KIF17: variants seen among roughly 807,000 people sequenced by gnomAD.
The protein encoded by KIF17 is kinesin family member 17, also known as kinesin-like protein KIF17.
In KIF17, 80 loss-of-function variants were observed where a neutral mutation model predicts 96.8. The observed-to-expected ratio is 0.83, with a 90% CI of 0.69 to 1.00. KIF17 has a LOEUF of 1.00. Among genes scored for constraint, KIF17 ranks in the 50% least tolerant of loss-of-function variants. The pLI is 0.00. For missense variants in KIF17, 1,280 were observed against 1,372.9 expected (o/e 0.93, Z 1.07); for synonymous variants, 567 against 587.5 (o/e 0.97, Z 0.51).
In KIF17 at chr1:20,685,150, G is replaced by T; in HGVS notation, c.2020-130C>A. 1 of 758,552 alleles carries T rather than the reference G, an allele frequency of 1.3e-6. No homozygotes were observed. Among genetic ancestry groups the T allele is most frequent in the Non-Finnish European group, 2.4e-6 (1 of 424,138 alleles). 47.0% of individuals were successfully genotyped at this position (758,552 alleles called of 1,614,324 possible). ...GCCCCGACAGATCACCTCCAGCTCA[G>T]GGACACCAGTGACACAAAAACACGC... On this transcript the variant is annotated intron_variant, in intron 9 of 14. Coordinates refer to ENST00000400463, the MANE Select transcript of KIF17 (RefSeq NM_001122819.3). This position sits in a 1 kb window ranked among gnomAD's most constrained non-coding sequence, Gnocchi z 4.1.
chr1:20,689,517 A>G (rs4655236), intron 7 of KIF17, among the ~76,000 whole-genome samples: 86,078 of 151,852 alleles, frequency 0.57, 24,684 homozygotes, highest in East Asian at 0.79. Flanking sequence ...CGGGTGTGGT[A>G]GTGTGCACCT....
At position 20,685,323 on chromosome 1, in the gene KIF17, T is replaced by A; in HGVS notation, c.2020-303A>T. On this transcript the variant is annotated intron_variant, in intron 9 of 14. Coordinates refer to ENST00000400463, the MANE Select transcript of KIF17 (RefSeq NM_001122819.3). This position sits in a 1 kb window ranked among gnomAD's most constrained non-coding sequence, Gnocchi z 4.1. ...GAAACCGATCACATCCCGTTCCCGA[T>A]GAGCCCCATGTGACTTCCCGTCACG... The A allele has an allele frequency of 1.8e-6, 1 of 555,522 alleles. No homozygotes were observed. The highest frequency in any genetic ancestry group is 3.4e-6 in the Non-Finnish European group (1 of 292,378). The allele number at this position is 555,522 out of a possible 1,614,324, so 34.4% of individuals were successfully genotyped here.
At chr1:20,715,723 A>G in intron 1 of KIF17, 84 bp from the exon 2 acceptor site, 1 of 1,541,358 alleles carries the variant, frequency 6.5e-7, no homozygotes, top group African/African-American at 1.4e-5. Flanking sequence ...CCACAGACTC[A>G]GGGCCCTTCC....
At chr1:20,666,354 G>C in intron 13 of KIF17, 23 bp from the exon 14 acceptor site, 1 of 1,564,680 alleles carries the variant, frequency 6.4e-7, no homozygotes. Context: ...AGATGCCCGT[G>C]GTCACGTCCC....
Position 20,685,260 on chromosome 1 carries a change from A to G in KIF17, c.2020-240T>C. 2 of 656,628 alleles carry G rather than the reference A, an allele frequency of 3.0e-6. No homozygotes were observed. The highest frequency in any genetic ancestry group is 3.0e-5 in the South Asian group (2 of 66,318). 40.7% of individuals were successfully genotyped at this position (656,628 alleles called of 1,614,324 possible). Reference sequence around the variant, plus strand: ...CCAGCTTCCTCTCTCACCTCCCACAATCCAGTCTCCACAGGCAGCCAGGGC... The same window carrying G: ...CCAGCTTCCTCTCTCACCTCCCACAGTCCAGTCTCCACAGGCAGCCAGGGC... On this transcript the variant is annotated intron_variant, in intron 9 of 14. Transcript: ENST00000400463. This position sits in a 1 kb window ranked among gnomAD's most constrained non-coding sequence, Gnocchi z 4.1.
At position 20,687,718 on chromosome 1, in the gene KIF17, C is replaced by T. The variant is rs2053964838; in HGVS notation, c.1608G>A (p.Leu536=). ...CGAGCGAGGATGACTCACTGGAGCCCAGAGAAATCTCAGATTTGGAGGGTT... is the reference window on the plus strand; with the variant it reads ...CGAGCGAGGATGACTCACTGGAGCCTAGAGAAATCTCAGATTTGGAGGGTT... The part of the protein sequence containing the change: ...KVEPSKSEIS[L]GSSESSSLEE... The change falls in exon 8 of 15, where the codon CTG becomes CTA. Residue 536 remains leucine, a synonymous_variant. Coordinates refer to ENST00000400463, the MANE Select transcript of KIF17 (RefSeq NM_001122819.3). The surrounding 1 kb of genome is among the most constrained non-coding windows in gnomAD (Gnocchi z 4.4). The T allele has an allele frequency of 6.2e-7, 1 of 1,614,188 alleles. No homozygotes were observed. The highest frequency in any genetic ancestry group is 1.7e-5 in the Admixed American group (1 of 60,012).
At chr1:20,661,690 C>T (rs2053439054), downstream of KIF17, 2 of 432,140 alleles carry the variant, frequency 4.6e-6, no homozygotes, top group African/African-American at 2.0e-5. Flanking sequence ...GCCCCCTAGT[C>T]TGGAGCCCAC....
Position 20,704,320 on chromosome 1 carries a change from G to A in KIF17, c.1123+127C>T, listed in dbSNP as rs1164129266. The A allele has an allele frequency of 2.5e-6, 2 of 796,260 alleles. No homozygotes were observed. The highest frequency in any genetic ancestry group is 2.1e-6 in the Non-Finnish European group (1 of 471,872). The allele number at this position is 796,260 out of a possible 1,614,324, so 49.3% of individuals were successfully genotyped here. A position where few individuals can be genotyped will look rare whatever the true frequency, so the allele number is the denominator to read the frequency against. ...CAACCAGGGCCCTGCGCTCACATGG[G>A]GCTGAGGGGTGGGAGGATGCTGCTC... On this transcript the variant is annotated intron_variant, in intron 5 of 14. Transcript: ENST00000400463. This position sits in a 1 kb window ranked among gnomAD's most constrained non-coding sequence, Gnocchi z 6.8.
At position 20,699,719 on chromosome 1, in the gene KIF17, G is replaced by A. The variant is rs186969963; in HGVS notation, c.1124-1231C>T. On this transcript the variant is annotated intron_variant, in intron 5 of 14. Transcript: ENST00000400463. This position sits in a 1 kb window ranked among gnomAD's most constrained non-coding sequence, Gnocchi z 4.3. Reference sequence around the variant, plus strand: ...GCTAGACAGGGGGAGCGGTGAGTGCGAGGGCCCTGAGGCGGTTGTGAGACT... The same window carrying A: ...GCTAGACAGGGGGAGCGGTGAGTGCAAGGGCCCTGAGGCGGTTGTGAGACT... Among the ~76,000 whole-genome samples the A allele has an allele frequency of 7.9e-5, 12 of 152,204 alleles. No homozygotes were observed. In the South Asian group the frequency reaches 1.7e-3, roughly 21 times the overall value.
In KIF17 at chr1:20,664,194, T is replaced by G; in HGVS notation, c.*390A>C. 4.8e-6 allele frequency: 2 copies of G among 416,624 alleles called. No homozygotes were observed. The highest frequency in any genetic ancestry group is 4.0e-6 in the Non-Finnish European group (1 of 249,060). 25.8% of individuals were successfully genotyped at this position (416,624 alleles called of 1,614,324 possible). ...AGAGGCACAGTTCCTTCCCAGCTGA[T>G]ATTGAGCTTCCTCCACGTGGCAGCT... On this transcript the variant is annotated 3_prime_UTR_variant, in exon 15 of 15. Transcript: ENST00000400463.
At chr1:20,670,560 T>TG in intron 12 of KIF17, 72 bp from the exon 13 acceptor site, 1 of 1,445,442 alleles carries the variant, frequency 6.9e-7, no homozygotes, top group East Asian at 2.3e-5. Context: ...CAGGTGGAGG[T>TG]GGGGGTCAGG....
intron 5 of KIF17, among the ~76,000 whole-genome samples, chr1:20,703,227 A>G (rs2054274122): frequency 6.6e-6 from 1 of 151,734 alleles, no homozygotes; most frequent in South Asian, 2.1e-4. Context: ...GAAAAAAGGA[A>G]GAAAGGATCT....
chr1:20,662,440 A>G (rs982400160), downstream of KIF17, among the ~76,000 whole-genome samples: 1 of 152,184 alleles, frequency 6.6e-6, no homozygotes, highest in Admixed American at 6.5e-5. Context: ...CACCAACCCA[A>G]GAATGGAGCA....
chr1:20,703,408 AGATG>A (rs1293722237), intron 5 of KIF17, among the ~76,000 whole-genome samples: 7 of 151,542 alleles, frequency 4.6e-5, no homozygotes, highest in Admixed American at 1.3e-4. Context: ...GTGGCTGTGT[AGATG>A]GATGGATGGA....
intron 4 of KIF17, among the ~76,000 whole-genome samples, chr1:20,707,889 A>G (rs915786834): frequency 1.4e-5 from 2 of 148,034 alleles, no homozygotes; most frequent in Non-Finnish European, 3.0e-5. Context: ...ATAAATAAAC[A>G]TATAAAGAAT....
At chr1:20,717,216 C>A (rs2054593064) in intron 1 of KIF17, 1 of 530,580 alleles carries the variant, frequency 1.9e-6, no homozygotes, top group South Asian at 2.3e-5. Flanking sequence ...GTAATCCCAG[C>A]TACTTGGGAG....
chr1:20,696,378 G>C (rs1265404689), intron 6 of KIF17, among the ~76,000 whole-genome samples: 1 of 152,194 alleles, frequency 6.6e-6, no homozygotes, highest in Non-Finnish European at 1.5e-5. Flanking sequence ...GAGGGGCACA[G>C]ACATCTTCAA....
intron 12 of KIF17, among the ~76,000 whole-genome samples, chr1:20,671,556 A>G (rs1393222189): frequency 6.6e-6 from 1 of 151,764 alleles, no homozygotes; most frequent in Non-Finnish European, 1.5e-5. Context: ...GCTGGTCTCG[A>G]ACTCCTGGAC....
At chr1:20,683,708 C>T (rs1490676747) in intron 10 of KIF17, among the ~76,000 whole-genome samples, 2 of 152,086 alleles carry the variant, frequency 1.3e-5, no homozygotes, top group Non-Finnish European at 2.9e-5. Flanking sequence ...CAGGATGGAG[C>T]CCAAGCACCC....
Sources: allele counts gnomAD v4.1 joint callset (sites outside exome capture counted in the v4.1 genomes callset), GRCh38; gene constraint gnomAD v4.1.1; non-coding constraint Gnocchi (gnomAD v3.1); transcripts MANE v1.5; gene names NCBI Gene and HGNC (gene_info 2026-07-23, HGNC 2026-07-21).